WWOX: variants seen among roughly 807,000 people sequenced by gnomAD.
The protein encoded by WWOX is WW domain-containing oxidoreductase.
WWOX carries 69 observed loss-of-function variants against 46.2 expected under a neutral mutation model. The ratio of observed to expected loss-of-function variants is 1.49; its 90% CI spans 1.23 to 1.82. The LOEUF is 1.82. Ranked by LOEUF, WWOX falls within the 40% of genes most tolerant of loss-of-function variation. The pLI is 0.00. For synonymous variants in WWOX, 359 were observed against 202.6 expected, an observed-to-expected ratio of 1.77 and a Z score of -6.56; for missense variants, 919 against 542.6, an observed-to-expected ratio of 1.69 and a Z score of -6.89.
At position 78,918,008 on chromosome 16, in the gene WWOX, A is replaced by G. The variant is rs185991608; in HGVS notation, c.1057-293600A>G. ...CTTGAGGCCAGGAGTTTGAAACCAG[A>G]CTGGGCAACACAGTGAGACCCCACC... On this transcript the variant is annotated intron_variant, in intron 8 of 8. Transcript: ENST00000566780. Among the ~76,000 whole-genome samples, 6 of 152,232 alleles carry G rather than the reference A, an allele frequency of 3.9e-5. No homozygotes were observed. The East Asian group carries it at 1.2e-3, about 30-fold the overall frequency.
At chr16:78,948,578 C>T (rs2045994653) in intron 8 of WWOX, among the ~76,000 whole-genome samples, 1 of 152,080 alleles carries the variant, frequency 6.6e-6, no homozygotes, top group East Asian at 1.9e-4. Context: ...CCTGCTGCCT[C>T]CTCATCCCTC....
chr16:79,115,093 A>G lies in WWOX; in HGVS notation c.1057-96515A>G, dbSNP rs140313109. On this transcript the variant is annotated intron_variant, in intron 8 of 8. Coordinates refer to ENST00000566780, the MANE Select transcript of WWOX (RefSeq NM_016373.4). The stretch of plus-strand genomic sequence containing the variant: ...GTGTGGGAAGGGACCAGGTCCCTCA[A>G]TGCTGCCGCCTCCCACCCTGTGCTG... Among the ~76,000 whole-genome samples, 65 of 152,292 alleles carry G rather than the reference A, an allele frequency of 4.3e-4. 1 individual carries two copies. The East Asian group carries it at 0.012, about 28-fold the overall frequency.
At chr16:78,333,395 T>C (rs1349991954) in intron 5 of WWOX, among the ~76,000 whole-genome samples, 1 of 152,114 alleles carries the variant, frequency 6.6e-6, no homozygotes, top group Non-Finnish European at 1.5e-5. Context: ...TATTTTAATG[T>C]TTATATAGAA....
chr16:78,163,587 C>G (rs12923935), intron 4 of WWOX, among the ~76,000 whole-genome samples: 2 of 152,142 alleles, frequency 1.3e-5, no homozygotes, highest in African/African-American at 4.8e-5. Flanking sequence ...TCTTGGCCCC[C>G]AAAATTCTTA....
intron 5 of WWOX, among the ~76,000 whole-genome samples, chr16:78,319,273 G>A (rs932149519): frequency 1.3e-5 from 2 of 150,768 alleles, no homozygotes; most frequent in African/African-American, 4.9e-5. Flanking sequence ...ACACCTTGCT[G>A]ATGTCGTTTT....
At chr16:78,603,047 G>A (rs7202698) in intron 8 of WWOX, among the ~76,000 whole-genome samples, 2,138 of 152,244 alleles carry the variant, frequency 0.014, 24 homozygotes, top group South Asian at 0.024. Flanking sequence ...AATTGTGAAC[G>A]GGGTGGAGGT....
chr16:78,998,084 C>G (rs2151358121), intron 8 of WWOX, among the ~76,000 whole-genome samples: 1 of 152,234 alleles, frequency 6.6e-6, no homozygotes, highest in South Asian at 2.1e-4. Context: ...CCCTGTTGTT[C>G]AGGGTGGTCT....
intron 8 of WWOX, among the ~76,000 whole-genome samples, chr16:79,034,376 T>A (rs1054835215): frequency 1.3e-5 from 2 of 152,264 alleles, no homozygotes; most frequent in African/African-American, 2.4e-5. Flanking sequence ...AATGAAATTG[T>A]ATGCAAAGCA....
chr16:79,079,394 C>T (rs1278967323), intron 8 of WWOX, among the ~76,000 whole-genome samples: 1 of 152,210 alleles, frequency 6.6e-6, no homozygotes, highest in Non-Finnish European at 1.5e-5. Flanking sequence ...GCCAGCCAGC[C>T]ATCAATCCGG....
rs987960895 is a variant in WWOX, at chr16:78,825,855, C to G, written c.1057-385753C>G. 4.5e-5 allele frequency: 29 copies of G among 640,208 alleles called. 1 individual carries two copies. In the South Asian group the frequency reaches 5.1e-4, roughly 11 times the overall value. 39.7% of individuals were successfully genotyped at this position (640,208 alleles called of 1,614,324 possible). A position where few individuals can be genotyped will look rare whatever the true frequency, so the allele number is the denominator to read the frequency against. On this transcript the variant is annotated intron_variant, in intron 8 of 8. Transcript: ENST00000566780. ...GTGAAGGTCATGCTGCCCTGGGACC[C>G]CGCTGGTAAGACTGGCCCTAAGAAG...
intron 3 of WWOX, 34 bp from the exon 4 acceptor site, chr16:78,114,942 T>C (rs1199031836): frequency 6.2e-7 from 1 of 1,614,002 alleles, no homozygotes; most frequent in South Asian, 1.1e-5. Context: ...CCTGTGTTCA[T>C]TGCTGTGGGT....
chr16:78,525,940 T>A (rs930123794), intron 8 of WWOX: 3 of 152,186 alleles, frequency 2.0e-5, no homozygotes, highest in African/African-American at 7.2e-5. Context: ...AAGCATGATT[T>A]ATCATTTGAT....
intron 8 of WWOX, among the ~76,000 whole-genome samples, chr16:78,953,038 T>TC (rs2046094112): frequency 6.6e-6 from 1 of 151,810 alleles, no homozygotes; most frequent in Non-Finnish European, 1.5e-5. Context: ...TTTTTTTTTT[T>TC]CCAGTTGTTG....
intron 5 of WWOX, among the ~76,000 whole-genome samples, chr16:78,293,794 G>C: frequency 6.6e-6 from 1 of 151,902 alleles, no homozygotes; most frequent in East Asian, 1.9e-4. Flanking sequence ...TGGCCAACAT[G>C]GTGAAACCCT....
At chr16:78,414,919 G>T (rs902755490) in intron 6 of WWOX, among the ~76,000 whole-genome samples, 2 of 152,158 alleles carry the variant, frequency 1.3e-5, no homozygotes, top group African/African-American at 4.8e-5. Context: ...TGGATCTTGG[G>T]CAAGAAAGAA....
At chr16:78,687,708 C>T (rs2047894869) in intron 8 of WWOX, among the ~76,000 whole-genome samples, 1 of 152,200 alleles carries the variant, frequency 6.6e-6, no homozygotes, top group African/African-American at 2.4e-5. Flanking sequence ...TTAGATCTAA[C>T]TTGCTTCATT....
At chr16:78,801,793 A>G (rs1567570029) in intron 8 of WWOX, among the ~76,000 whole-genome samples, 1 of 151,910 alleles carries the variant, frequency 6.6e-6, no homozygotes, top group Non-Finnish European at 1.5e-5. Context: ...GGGACATTTC[A>G]TTTTTTTTAG....
chr16:79,177,041 A>G (rs1010071515), intron 8 of WWOX, among the ~76,000 whole-genome samples: 4 of 152,196 alleles, frequency 2.6e-5, no homozygotes, highest in African/African-American at 9.6e-5. Flanking sequence ...TTAGGTGGGC[A>G]TAATTGCATT....
intron 8 of WWOX, among the ~76,000 whole-genome samples, chr16:79,119,832 G>C (rs557501703): frequency 1.3e-5 from 2 of 152,328 alleles, no homozygotes; most frequent in Admixed American, 6.5e-5. Flanking sequence ...CCAGAGAAGA[G>C]ACCCAGAGCC....
Sources: allele counts gnomAD v4.1 joint callset (sites outside exome capture counted in the v4.1 genomes callset), GRCh38; gene constraint gnomAD v4.1.1; transcripts MANE v1.5; gene names NCBI Gene and HGNC (gene_info 2026-07-23, HGNC 2026-07-21).